Variants in ENOX1 observed in about 807,000 individuals in gnomAD.
ENOX1 encodes candidate growth-related and time keeping constitutive hydroquinone (NADH) oxidase.
ENOX1 carries 42 observed loss-of-function variants against 82.5 expected under a neutral mutation model. That is an observed-to-expected ratio of 0.51 (90% CI 0.40 to 0.66). ENOX1 has a LOEUF of 0.66. ENOX1 is among the 30% of genes least tolerant of loss of function. The pLI is 0.00. For synonymous variants in ENOX1, 271 were observed against 282.2 expected, an observed-to-expected ratio of 0.96 and a Z score of 0.40; for missense variants, 608 against 811.6, an observed-to-expected ratio of 0.75 and a Z score of 3.05.
At chr13:43,365,836 G>A (rs535200550) in intron 5 of ENOX1, among the ~76,000 whole-genome samples, 1 of 152,288 alleles carries the variant, frequency 6.6e-6, no homozygotes, top group African/African-American at 2.4e-5. Flanking sequence ...CCCGCCTGAC[G>A]CCAGATGGAC....
intron 1 of ENOX1, among the ~76,000 whole-genome samples, chr13:43,667,867 C>T (rs978568565): frequency 6.6e-6 from 1 of 152,158 alleles, no homozygotes; most frequent in Non-Finnish European, 1.5e-5. Context: ...GCCAGGGCCT[C>T]CCAAATCTAA....
In ENOX1 at chr13:43,502,779, A is replaced by G. The variant is rs144856122; in HGVS notation, c.-218-18627T>C. 4.4e-3 allele frequency among the ~76,000 whole-genome samples: 670 copies of G among 151,684 alleles called. 1 individual carries two copies. The highest frequency in any genetic ancestry group is 7.4e-3 in the Non-Finnish European group (502 of 67,580). On this transcript the variant is annotated intron_variant, in intron 2 of 16. Transcript: ENST00000690772. ...CAACGGTGAAAAACTGAAAGATCTT[A>G]TTGAATCCAGAACAAGTAAGGATAT... is the stretch of plus-strand genomic sequence containing the variant.
intron 10 of ENOX1, among the ~76,000 whole-genome samples, chr13:43,323,094 A>T (rs1301752549): frequency 6.6e-6 from 1 of 152,242 alleles, no homozygotes; most frequent in Non-Finnish European, 1.5e-5. Flanking sequence ...ATTATTTCTC[A>T]TGCAAACATA....
chr13:43,614,420 T>C (rs942980407), intron 2 of ENOX1, among the ~76,000 whole-genome samples: 2 of 152,162 alleles, frequency 1.3e-5, no homozygotes, highest in African/African-American at 4.8e-5. Context: ...GAGGCTCTTT[T>C]TCTAAGCTCT....
intron 2 of ENOX1, among the ~76,000 whole-genome samples, chr13:43,542,256 C>T (rs573187237): frequency 6.6e-6 from 1 of 152,094 alleles, no homozygotes; most frequent in African/African-American, 2.4e-5. Context: ...TCTCAGGCCT[C>T]AGCCTCCCAA....
chr13:43,765,045 A>T (rs80114695), intron 1 of ENOX1, among the ~76,000 whole-genome samples: 28 of 152,306 alleles, frequency 1.8e-4, no homozygotes, highest in African/African-American at 6.5e-4. Context: ...CGTCACCTTA[A>T]CTGATCCATA....
chr13:43,280,720 C>T (rs530228398), intron 12 of ENOX1, among the ~76,000 whole-genome samples: 1 of 152,140 alleles, frequency 6.6e-6, no homozygotes. Context: ...TGAAGTTAAT[C>T]CAATGATTAC....
intron 2 of ENOX1, among the ~76,000 whole-genome samples, chr13:43,493,756 A>T (rs1229358655): frequency 6.6e-6 from 1 of 152,208 alleles, no homozygotes; most frequent in Non-Finnish European, 1.5e-5. Flanking sequence ...GGACAAGCTC[A>T]GTGCCTACTG....
intron 1 of ENOX1, among the ~76,000 whole-genome samples, chr13:43,779,500 G>A (rs1952125059): frequency 6.6e-5 from 10 of 152,176 alleles, no homozygotes; most frequent in Admixed American, 6.5e-4. Flanking sequence ...GGAATAGGAG[G>A]TACTTGCAGA....
intron 2 of ENOX1, among the ~76,000 whole-genome samples, chr13:43,624,666 G>A (rs2082888177): frequency 6.6e-6 from 1 of 151,898 alleles, no homozygotes; most frequent in Non-Finnish European, 1.5e-5. Context: ...CTAGTGAATT[G>A]AATTTGCACC....
intron 9 of ENOX1, among the ~76,000 whole-genome samples, chr13:43,343,858 T>TA (rs941304711): frequency 3.3e-5 from 5 of 151,806 alleles, no homozygotes; most frequent in African/African-American, 9.7e-5. Flanking sequence ...AGAGTGCCCA[T>TA]AAAAAAAATA....
At chr13:43,269,388 G>C (rs942109881) in intron 13 of ENOX1, 82 bp downstream of exon 13, 26 of 1,068,384 alleles carry the variant, frequency 2.4e-5, no homozygotes, top group Middle Eastern at 2.0e-4. Context: ...TTCAGTAAAT[G>C]TTTGCACGGG....
intron 3 of ENOX1, among the ~76,000 whole-genome samples, chr13:43,422,888 C>CA (rs558822694): frequency 3.0e-4 from 45 of 151,768 alleles, no homozygotes; most frequent in Non-Finnish European, 5.4e-4. Flanking sequence ...GAACAAATAA[C>CA]AAAAAAAATC....
chr13:43,623,573 G>A (rs951527477), intron 2 of ENOX1, among the ~76,000 whole-genome samples: 1 of 152,118 alleles, frequency 6.6e-6, no homozygotes, highest in Non-Finnish European at 1.5e-5. Context: ...TCACGGTTGG[G>A]GCACTCAACA....
chr13:43,411,055 G>A (rs960721900), intron 5 of ENOX1, among the ~76,000 whole-genome samples: 3 of 152,112 alleles, frequency 2.0e-5, no homozygotes, highest in African/African-American at 7.2e-5. Context: ...CTTAGCTCAA[G>A]CCCCACCTTC....
At chr13:43,644,329 C>A (rs1264505449) in intron 2 of ENOX1, among the ~76,000 whole-genome samples, 1 of 152,070 alleles carries the variant, frequency 6.6e-6, no homozygotes, top group Non-Finnish European at 1.5e-5. Flanking sequence ...TTAAGGCAAC[C>A]CTTGCATTTC....
Position 43,460,305 on chromosome 13 carries a change from G to A in ENOX1, c.-75+23704C>T, listed in dbSNP as rs2057409883. Among the ~76,000 whole-genome samples the A allele has an allele frequency of 3.3e-5, 5 of 151,934 alleles. No homozygotes were observed. In the South Asian group the frequency reaches 1.0e-3, roughly 32 times the overall value. ...CTTGATATGTCTCTTTCCCCTCAAG[G>A]CTGCTAAGGTTTTAAAGTGTTCTGT... On this transcript the variant is annotated intron_variant, in intron 3 of 16. Coordinates refer to ENST00000690772, the MANE Select transcript of ENOX1 (RefSeq NM_001347969.2).
intron 1 of ENOX1, among the ~76,000 whole-genome samples, chr13:43,729,964 T>C (rs2089235265): frequency 6.6e-6 from 1 of 152,202 alleles, no homozygotes; most frequent in East Asian, 1.9e-4. Context: ...GCTCCTACTC[T>C]GGGAGAACTT....
chr13:43,221,045 G>A (rs1010205985), intron 16 of ENOX1, among the ~76,000 whole-genome samples: 1 of 152,238 alleles, frequency 6.6e-6, no homozygotes, highest in Non-Finnish European at 1.5e-5. Context: ...TGTGGGAAAT[G>A]TAACACATGC....
Sources: gnomAD v4.1 joint callset for allele counts (sites outside exome capture counted in the v4.1 genomes callset) on GRCh38, gnomAD v4.1.1 for gene constraint, MANE v1.5 for transcripts, NCBI Gene and HGNC (gene_info 2026-07-23, HGNC 2026-07-21) for gene names.